Variants in LY96 observed in about 807,000 individuals in gnomAD.
The protein encoded by LY96 is lymphocyte antigen 96, also known as myeloid differentiation protein-2.
LY96 carries 18 observed loss-of-function variants against 18.9 expected under a neutral mutation model. The ratio of observed to expected loss-of-function variants is 0.95; its 90% CI spans 0.66 to 1.41. The LOEUF (loss-of-function observed/expected upper bound fraction) is 1.41, where lower values mean the gene tolerates loss of function less well. Ranked by LOEUF, LY96 falls within the 40% of genes most tolerant of loss-of-function variation. The pLI, the probability that LY96 is intolerant of heterozygous loss-of-function variation, is 0.00. For missense variants in LY96, 175 were observed against 182.4 expected (o/e 0.96, Z 0.23); for synonymous variants, 66 against 62.6 (o/e 1.06, Z -0.26).
chr8:74,022,181 G>A (rs1816776944), intron 3 of LY96, among the ~76,000 whole-genome samples: 1 of 152,156 alleles, frequency 6.6e-6, no homozygotes, highest in African/African-American at 2.4e-5. Context: ...GCCGAGGCGG[G>A]CAGATCACTT....
the LY96 span, among the ~76,000 whole-genome samples, chr8:74,075,358 CCTT>C: frequency 6.6e-6 from 1 of 152,184 alleles, no homozygotes; most frequent in Admixed American, 6.5e-5. Context: ...GCAGCCTCGA[CCTT>C]CTGGGCTGAA....
At chr8:74,066,102 A>G in the LY96 span, among the ~76,000 whole-genome samples, 2 of 152,120 alleles carry the variant, frequency 1.3e-5, no homozygotes, top group African/African-American at 2.4e-5. Context: ...TTTATTTCTC[A>G]TAGTTCTGGA....
Position 74,023,240 on chromosome 8 carries a change from G to A in LY96, c.332-3549G>A, listed in dbSNP as rs1301309044. Among the ~76,000 whole-genome samples the A allele has an allele frequency of 2.0e-5, 3 of 152,148 alleles. No individual in the cohort carries two copies. The East Asian group carries it at 5.8e-4, about 29-fold the overall frequency. On this transcript the variant is annotated intron_variant, in intron 3 of 4. Transcript: ENST00000284818. ...TGCTCCTGGTGAAATCCTGGCTACAGGGAGGGTCAGGATCCGGTGTGGGTG... is the reference window on the plus strand; with the variant it reads ...TGCTCCTGGTGAAATCCTGGCTACAAGGAGGGTCAGGATCCGGTGTGGGTG...
the LY96 span, among the ~76,000 whole-genome samples, chr8:74,088,555 G>A: frequency 6.6e-6 from 1 of 152,186 alleles, no homozygotes. Flanking sequence ...ACCGCAGACT[G>A]TGACCCTTTC....
chr8:74,066,617 A>G, the LY96 span, among the ~76,000 whole-genome samples: 1 of 152,178 alleles, frequency 6.6e-6, no homozygotes, highest in Admixed American at 6.5e-5. Context: ...AAAGACTTAT[A>G]TTGAGGATTT....
At chr8:73,996,332 CCT>C in intron 1 of LY96, among the ~76,000 whole-genome samples, 6 of 127,002 alleles carry the variant, frequency 4.7e-5, no homozygotes, top group African/African-American at 1.5e-4. Flanking sequence ...TTCCTTCCTT[CCT>C]TCCTTCCTTC....
downstream of LY96, among the ~76,000 whole-genome samples, chr8:74,032,504 C>G (rs7821563): frequency 7.6e-3 from 1,161 of 152,270 alleles, 10 homozygotes; most frequent in African/African-American, 0.025. Flanking sequence ...TTACGTACCC[C>G]CTGCTTGCTC....
chr8:74,085,017 C>T, the LY96 span, among the ~76,000 whole-genome samples: 1 of 152,218 alleles, frequency 6.6e-6, no homozygotes, highest in Non-Finnish European at 1.5e-5. Context: ...GGTGTGATTA[C>T]TCCAGATAGA....
chr8:74,091,723 A>G, the LY96 span, among the ~76,000 whole-genome samples: 12 of 152,168 alleles, frequency 7.9e-5, no homozygotes, highest in Non-Finnish European at 1.8e-4. Context: ...TCCTTCAACC[A>G]GTACTGGCTT....
chr8:74,012,383 G>A (rs1193169194), intron 3 of LY96, among the ~76,000 whole-genome samples: 1 of 152,100 alleles, frequency 6.6e-6, no homozygotes, highest in Non-Finnish European at 1.5e-5. Flanking sequence ...GTATTTTTCA[G>A]CAACATGGAT....
At chr8:74,088,129 A>AATGGAATG in the LY96 span, among the ~76,000 whole-genome samples, 7 of 151,000 alleles carry the variant, frequency 4.6e-5, no homozygotes, top group African/African-American at 1.7e-4. Flanking sequence ...AGAATAGAAT[A>AATGGAATG]GAATAGAATA....
chr8:74,061,391 A>G, the LY96 span, among the ~76,000 whole-genome samples: 23 of 152,366 alleles, frequency 1.5e-4, no homozygotes, highest in South Asian at 4.1e-4. Flanking sequence ...CTGTCACCAG[A>G]CACCAGATGT....
At chr8:74,050,387 T>G in the LY96 span, among the ~76,000 whole-genome samples, 1 of 151,888 alleles carries the variant, frequency 6.6e-6, no homozygotes, top group East Asian at 1.9e-4. Context: ...ATTAAAATAT[T>G]TAAAAAAAAG....
the LY96 span, among the ~76,000 whole-genome samples, chr8:74,094,732 G>A: frequency 6.6e-6 from 1 of 152,150 alleles, no homozygotes; most frequent in Non-Finnish European, 1.5e-5. Context: ...ATATTTTATA[G>A]TCTGGTTTAA....
chr8:74,048,363 G>A, the LY96 span, among the ~76,000 whole-genome samples: 1 of 151,910 alleles, frequency 6.6e-6, no homozygotes, highest in Non-Finnish European at 1.5e-5. Context: ...CCAGGTTCAA[G>A]CAATTTTCCT....
At chr8:74,051,529 G>T in the LY96 span, among the ~76,000 whole-genome samples, 1 of 152,072 alleles carries the variant, frequency 6.6e-6, no homozygotes, top group South Asian at 2.1e-4. Flanking sequence ...AGGTACCATG[G>T]ACTGAATGTA....
At chr8:74,070,301 C>T in the LY96 span, among the ~76,000 whole-genome samples, 1 of 152,062 alleles carries the variant, frequency 6.6e-6, no homozygotes, top group Non-Finnish European at 1.5e-5. Context: ...CCACATTAGC[C>T]AGGACGGTCT....
the LY96 span, among the ~76,000 whole-genome samples, chr8:74,082,740 T>A: frequency 6.6e-6 from 1 of 151,870 alleles, no homozygotes; most frequent in African/African-American, 2.4e-5. Flanking sequence ...TTGCTATGCT[T>A]AGGTTTGATG....
intron 1 of LY96, among the ~76,000 whole-genome samples, chr8:74,002,085 TTCTTTCTTTCTCTCTC>T (rs1323784517): frequency 1.4e-4 from 4 of 29,304 alleles, no homozygotes; most frequent in African/African-American, 7.5e-4. Context: ...CTTTCTTTCT[TTCTTTCTTTCTCTCTC>T]TCTCTCTCTC....
Sources: allele counts gnomAD v4.1 joint callset (sites outside exome capture counted in the v4.1 genomes callset), GRCh38; gene constraint gnomAD v4.1.1; transcripts MANE v1.5; gene names NCBI Gene and HGNC (gene_info 2026-07-23, HGNC 2026-07-21).